Variants in DCC observed in about 807,000 individuals in gnomAD.
DCC encodes DCC netrin 1 receptor.
In DCC, 58 loss-of-function variants were observed where a neutral mutation model predicts 172.5. The ratio of observed to expected loss-of-function variants is 0.34; its 90% CI spans 0.27 to 0.42. DCC has a LOEUF of 0.42. Ranked by LOEUF, DCC falls within the 10% of genes least tolerant of loss-of-function variation. The probability of loss-of-function intolerance (pLI) is 1.00; values close to 1 mark genes in which losing one functional copy is unlikely to be tolerated. For synonymous variants in DCC, 709 were observed against 644.5 expected, an observed-to-expected ratio of 1.10 and a Z score of -1.52; for missense variants, 1,740 against 1,791.0, an observed-to-expected ratio of 0.97 and a Z score of 0.51.
chr18:52,964,254 C>T (rs2040892523), intron 5 of DCC, among the ~76,000 whole-genome samples: 1 of 151,796 alleles, frequency 6.6e-6, no homozygotes, highest in African/African-American at 2.4e-5. Context: ...ATGCTCATTC[C>T]AAAAAGGGAA....
chr18:52,461,809 C>T (rs765955680), intron 1 of DCC, among the ~76,000 whole-genome samples: 5 of 152,132 alleles, frequency 3.3e-5, no homozygotes, highest in Non-Finnish European at 5.9e-5. Flanking sequence ...GCTTAAGATA[C>T]TCCGATTTTT....
intron 12 of DCC, among the ~76,000 whole-genome samples, chr18:53,268,248 A>T (rs1452649517): frequency 6.6e-6 from 1 of 152,118 alleles, no homozygotes; most frequent in Non-Finnish European, 1.5e-5. Flanking sequence ...ATTTTTACAG[A>T]TTTGTCAAAA....
At chr18:52,929,600 T>G (rs1204899994) in intron 5 of DCC, among the ~76,000 whole-genome samples, 1 of 152,062 alleles carries the variant, frequency 6.6e-6, no homozygotes, top group Non-Finnish European at 1.5e-5. Context: ...CAGAGGCAGG[T>G]GAAAAGTGTA....
intron 12 of DCC, among the ~76,000 whole-genome samples, chr18:53,233,259 A>T (rs1236553391): frequency 6.6e-6 from 1 of 152,176 alleles, no homozygotes; most frequent in Non-Finnish European, 1.5e-5. Flanking sequence ...TTATTAATCC[A>T]ATTCACCTGT....
chr18:53,519,891 A>T (rs1184824013), intron 27 of DCC, among the ~76,000 whole-genome samples: 1 of 152,116 alleles, frequency 6.6e-6, no homozygotes, highest in African/African-American at 2.4e-5. Flanking sequence ...ATAAGTTTTC[A>T]GTTTGTTTTT....
At chr18:52,845,211 C>G (rs1014077311) in intron 2 of DCC, among the ~76,000 whole-genome samples, 2 of 152,142 alleles carry the variant, frequency 1.3e-5, no homozygotes, top group African/African-American at 4.8e-5. Flanking sequence ...CCATGTGTTA[C>G]CAGGAAAAGG....
chr18:52,495,968 A>G (rs2033254204), intron 1 of DCC, among the ~76,000 whole-genome samples: 1 of 152,100 alleles, frequency 6.6e-6, no homozygotes, highest in Admixed American at 6.6e-5. Flanking sequence ...CTATGTTTAT[A>G]AGGAGGATTA....
chr18:52,682,326 G>A (rs555577707), intron 1 of DCC, among the ~76,000 whole-genome samples: 2 of 152,066 alleles, frequency 1.3e-5, no homozygotes, highest in Admixed American at 6.6e-5. Context: ...GAGCAACAAC[G>A]AGAAAAATAT....
At chr18:52,341,427 G>A (rs768854492) in intron 1 of DCC, among the ~76,000 whole-genome samples, 1 of 152,178 alleles carries the variant, frequency 6.6e-6, no homozygotes, top group Non-Finnish European at 1.5e-5. Flanking sequence ...TTCCAAGGAG[G>A]GGATCCTGGT....
chr18:52,807,358 C>T (rs181249990), intron 2 of DCC, among the ~76,000 whole-genome samples: 1 of 152,170 alleles, frequency 6.6e-6, no homozygotes, highest in Non-Finnish European at 1.5e-5. Context: ...AAAATACAAC[C>T]ATTTCCCAGA....
intron 5 of DCC, among the ~76,000 whole-genome samples, chr18:53,003,266 C>A (rs879172399): frequency 1.3e-5 from 2 of 152,200 alleles, no homozygotes; most frequent in South Asian, 4.2e-4. Flanking sequence ...AATTAAATAA[C>A]GGATTATTGA....
intron 25 of DCC, among the ~76,000 whole-genome samples, chr18:53,472,401 C>G (rs1599189677): frequency 6.6e-6 from 1 of 152,110 alleles, no homozygotes; most frequent in Admixed American, 6.5e-5. Flanking sequence ...ATCTTTTATA[C>G]CTTTCACTAC....
At chr18:52,731,991 T>C (rs1280651820) in intron 1 of DCC, among the ~76,000 whole-genome samples, 1 of 152,184 alleles carries the variant, frequency 6.6e-6, no homozygotes, top group Non-Finnish European at 1.5e-5. Flanking sequence ...CGGCTTTCTA[T>C]ATGCATTGCT....
intron 5 of DCC, among the ~76,000 whole-genome samples, chr18:52,981,594 G>T (rs1165695113): frequency 2.0e-5 from 3 of 152,006 alleles, no homozygotes; most frequent in Admixed American, 6.6e-5. Flanking sequence ...GTCTCTATAG[G>T]TGTTGCCAAC....
chr18:53,475,143 T>G (rs1385708724), intron 25 of DCC, among the ~76,000 whole-genome samples: 1 of 152,220 alleles, frequency 6.6e-6, no homozygotes, highest in Non-Finnish European at 1.5e-5. Flanking sequence ...ATTCAAGATG[T>G]GACTTGGATG....
intron 16 of DCC, among the ~76,000 whole-genome samples, chr18:53,390,015 C>G (rs3794915): frequency 6.6e-6 from 1 of 151,668 alleles, no homozygotes; most frequent in South Asian, 2.1e-4. Context: ...CCAGCTAAAA[C>G]TAGAAACAAG....
At chr18:52,761,741 G>A (rs1375876885) in intron 2 of DCC, among the ~76,000 whole-genome samples, 2 of 151,794 alleles carry the variant, frequency 1.3e-5, no homozygotes, top group African/African-American at 4.8e-5. Context: ...AGCCTCAAAG[G>A]TCAAAGCGCT....
At chr18:52,351,034 G>T (rs1407877467) in intron 1 of DCC, among the ~76,000 whole-genome samples, 1 of 152,146 alleles carries the variant, frequency 6.6e-6, no homozygotes, top group Admixed American at 6.5e-5. Context: ...TTTAAAGAAA[G>T]AAAATACTGT....
At chr18:52,710,480 G>A (rs898562455) in intron 1 of DCC, among the ~76,000 whole-genome samples, 15 of 152,332 alleles carry the variant, frequency 9.8e-5, no homozygotes, top group African/African-American at 2.9e-4. Flanking sequence ...GCTTGCAAGC[G>A]TGTGCACACT....
Sources: gnomAD v4.1 joint callset for allele counts (sites outside exome capture counted in the v4.1 genomes callset) on GRCh38, gnomAD v4.1.1 for gene constraint, MANE v1.5 for transcripts, NCBI Gene and HGNC (gene_info 2026-07-23, HGNC 2026-07-21) for gene names.